Variants in TCERG1L observed in about 807,000 individuals in gnomAD.
The protein encoded by TCERG1L is transcription elongation regulator 1 like, also known as transcription elongation regulator 1-like protein.
Under a neutral mutation model 56.3 loss-of-function variants are expected in TCERG1L, and 37 were observed. That is an observed-to-expected ratio of 0.66 (90% CI 0.51 to 0.87). The LOEUF is 0.87. TCERG1L is among the 40% of genes least tolerant of loss of function. The pLI, the probability that TCERG1L is intolerant of heterozygous loss-of-function variation, is 0.00. For missense variants in TCERG1L, 799 were observed against 774.2 expected, an observed-to-expected ratio of 1.03 and a Z score of -0.38; for synonymous variants, 324 against 326.3, an observed-to-expected ratio of 0.99 and a Z score of 0.08.
intron 7 of TCERG1L, among the ~76,000 whole-genome samples, chr10:131,137,997 G>A (rs1361174732): frequency 6.6e-6 from 1 of 152,188 alleles, no homozygotes; most frequent in African/African-American, 2.4e-5. Context: ...GGCTGAGTGC[G>A]ATGGCTTATG....
chr10:131,245,754 G>A (rs373457740), intron 4 of TCERG1L, among the ~76,000 whole-genome samples: 13 of 152,292 alleles, frequency 8.5e-5, no homozygotes, highest in African/African-American at 2.6e-4. Context: ...GGTCGAGTTC[G>A]GAGTTGGCGG....
intron 7 of TCERG1L, among the ~76,000 whole-genome samples, chr10:131,137,366 C>T (rs969850082): frequency 6.6e-6 from 1 of 152,232 alleles, no homozygotes; most frequent in African/African-American, 2.4e-5. Flanking sequence ...GGTCGTTCCT[C>T]CCTGCGTCAC....
At chr10:131,102,940 G>A (rs1040038244) in intron 10 of TCERG1L, among the ~76,000 whole-genome samples, 5 of 151,918 alleles carry the variant, frequency 3.3e-5, no homozygotes, top group Non-Finnish European at 5.9e-5. Context: ...GTTGGCTCAG[G>A]GACCTACTTT....
intron 4 of TCERG1L, among the ~76,000 whole-genome samples, chr10:131,259,443 T>C (rs1186545057): frequency 6.6e-6 from 1 of 152,190 alleles, no homozygotes; most frequent in Non-Finnish European, 1.5e-5. Flanking sequence ...GTTGGCACTG[T>C]CATTCCAAAT....
chr10:131,096,701 C>T (rs10829899), intron 11 of TCERG1L, among the ~76,000 whole-genome samples: 34,380 of 151,942 alleles, frequency 0.23, 4,307 homozygotes, highest in East Asian at 0.48. Flanking sequence ...GAGATCCAGA[C>T]CATCCTGGCT....
rs201034812 is a variant in TCERG1L at position 131,093,283 on chromosome 10, C to G, written c.1640G>C (p.Arg547Pro). The G allele has an allele frequency of 7.4e-6, 12 of 1,613,780 alleles. No homozygotes were observed. The South Asian group carries it at 1.2e-4, about 16-fold the overall frequency. The change falls in exon 12 of 12, where the codon CGG becomes CCG. Residue 547 changes from arginine (R) to proline (P), a missense_variant. Coordinates refer to ENST00000368642, the MANE Select transcript of TCERG1L (RefSeq NM_174937.4). Reference sequence around the variant, plus strand: ...TTGAACAAGTCGGAACCTCTGATCCCGGCCGTATTTCTCTGCAAACTCCTT... The same window carrying G: ...TTGAACAAGTCGGAACCTCTGATCCGGGCCGTATTTCTCTGCAAACTCCTT... ...TFKEFAEKYG[R>P]DQRFRLVQKR...
chr10:131,178,257 C>T (rs1235210788), intron 4 of TCERG1L, among the ~76,000 whole-genome samples: 1 of 152,148 alleles, frequency 6.6e-6, no homozygotes, highest in Admixed American at 6.5e-5. Context: ...GGTGACCCTG[C>T]CAGGTGCTTG....
chr10:131,261,258 C>CT (rs1332421494), intron 3 of TCERG1L, among the ~76,000 whole-genome samples: 1 of 152,220 alleles, frequency 6.6e-6, no homozygotes, highest in Non-Finnish European at 1.5e-5. Context: ...AATGTGGTAT[C>CT]TAAGAAGTAT....
chr10:131,128,110 G>C (rs935434391), intron 8 of TCERG1L, among the ~76,000 whole-genome samples: 1 of 152,144 alleles, frequency 6.6e-6, no homozygotes, highest in Non-Finnish European at 1.5e-5. Context: ...TTGAAAAACA[G>C]TCTGAGAAAA....
chr10:131,279,056 A>G (rs891102512), intron 3 of TCERG1L, among the ~76,000 whole-genome samples: 4 of 152,182 alleles, frequency 2.6e-5, no homozygotes, highest in Admixed American at 1.3e-4. Flanking sequence ...GATGGGGTTC[A>G]GCTCTTTCCT....
At chr10:131,178,925 C>T (rs1020173986) in intron 4 of TCERG1L, among the ~76,000 whole-genome samples, 3 of 152,394 alleles carry the variant, frequency 2.0e-5, no homozygotes, top group African/African-American at 7.2e-5. Context: ...CAGAGCCCCG[C>T]TCACTACTCA....
intron 4 of TCERG1L, among the ~76,000 whole-genome samples, chr10:131,211,138 T>A (rs1365788206): frequency 1.3e-5 from 2 of 152,228 alleles, no homozygotes; most frequent in Non-Finnish European, 2.9e-5. Flanking sequence ...TGGGATGGTA[T>A]CTGGGTGGTG....
At position 131,093,066 on chromosome 10, in the gene TCERG1L, T is replaced by C; in HGVS notation, c.*96A>G. On this transcript the variant is annotated 3_prime_UTR_variant, in exon 12 of 12. Coordinates refer to ENST00000368642, the MANE Select transcript of TCERG1L (RefSeq NM_174937.4). ...CGGTGCCCGCTGGGCCGTGCAGGTC[T>C]CGGCCGCCCCACGCCCGTGTCCGTC... 7.1e-7 allele frequency: 1 copy of C among 1,401,928 alleles called. No homozygotes were observed. The highest frequency in any genetic ancestry group is 9.7e-7 in the Non-Finnish European group (1 of 1,032,878). The allele number at this position is 1,401,928 out of a possible 1,614,324, so 86.8% of individuals were successfully genotyped here. A position where few individuals can be genotyped will look rare whatever the true frequency, so the allele number is the denominator to read the frequency against.
At chr10:131,098,107 A>G (rs1346421767) in intron 11 of TCERG1L, among the ~76,000 whole-genome samples, 199 bp downstream of exon 11, 1 of 152,160 alleles carries the variant, frequency 6.6e-6, no homozygotes, top group Non-Finnish European at 1.5e-5. Context: ...GACTGATGAG[A>G]GGGACATTTG....
rs1845319937 is a variant in TCERG1L, at chr10:131,103,173, G to C, written c.1485+1092C>G. 6.6e-6 allele frequency among the ~76,000 whole-genome samples: 1 copy of C among 151,938 alleles called. No homozygotes were observed. On this transcript the variant is annotated intron_variant, in intron 10 of 11. Transcript: ENST00000368642. The surrounding 1 kb of genome is among the most constrained non-coding windows in gnomAD (Gnocchi z 4.3). ...AATGAAATGGATGCTTATTTGGGAA[G>C]AGAGCATTGCAATGGGAATACACAT...
intron 6 of TCERG1L, among the ~76,000 whole-genome samples, chr10:131,157,106 A>G (rs1317853312): frequency 2.0e-5 from 3 of 152,142 alleles, no homozygotes; most frequent in African/African-American, 7.2e-5. Flanking sequence ...AATCCGCCCC[A>G]CACTTCTTAC....
chr10:131,248,836 C>T (rs10765062), intron 4 of TCERG1L, among the ~76,000 whole-genome samples: 88,658 of 151,374 alleles, frequency 0.59, 26,225 homozygotes, highest in East Asian at 0.8. Flanking sequence ...CCCATCACAG[C>T]CCCCCCAACC....
At chr10:131,122,661 G>A (rs990489869) in intron 8 of TCERG1L, among the ~76,000 whole-genome samples, 11 of 152,126 alleles carry the variant, frequency 7.2e-5, no homozygotes, top group South Asian at 2.1e-4. Flanking sequence ...AACTGTAATC[G>A]TAAGCATATC....
At chr10:131,272,989 G>C (rs888348650) in intron 3 of TCERG1L, among the ~76,000 whole-genome samples, 1 of 152,222 alleles carries the variant, frequency 6.6e-6, no homozygotes, top group Non-Finnish European at 1.5e-5. Context: ...TTGCTGATGG[G>C]GAGGGTCTGT....
Sources: gnomAD v4.1 joint callset for allele counts (sites outside exome capture counted in the v4.1 genomes callset) on GRCh38, gnomAD v4.1.1 for gene constraint, Gnocchi (gnomAD v3.1) non-coding constraint, MANE v1.5 for transcripts, NCBI Gene and HGNC (gene_info 2026-07-23, HGNC 2026-07-21) for gene names.